Variants in FHIT observed in about 807,000 individuals in gnomAD.
The protein encoded by FHIT is bis(5'-adenosyl)-triphosphatase.
In FHIT, 19 loss-of-function variants were observed where a neutral mutation model predicts 17.9. That is an observed-to-expected ratio of 1.06 (90% CI 0.74 to 1.56). The LOEUF is 1.56. Ranked by LOEUF, FHIT falls within the 40% of genes most tolerant of loss-of-function variation. The pLI is 0.00. For missense variants in FHIT, 248 were observed against 189.2 expected, an observed-to-expected ratio of 1.31 and a Z score of -1.82; for synonymous variants, 81 against 69.7, an observed-to-expected ratio of 1.16 and a Z score of -0.81.
intron 2 of FHIT, among the ~76,000 whole-genome samples, chr3:61,057,115 C>T (rs1226162600): frequency 5.9e-5 from 9 of 152,246 alleles, no homozygotes; most frequent in African/African-American, 1.9e-4. Flanking sequence ...ACAGACATCC[C>T]GTATTGATGT....
At chr3:60,138,726 G>A (rs1699916866) in intron 5 of FHIT, among the ~76,000 whole-genome samples, 1 of 152,078 alleles carries the variant, frequency 6.6e-6, no homozygotes, top group African/African-American at 2.4e-5. Context: ...GTGCTTCAAA[G>A]TCACTGAAAG....
intron 5 of FHIT, among the ~76,000 whole-genome samples, chr3:60,151,412 A>T (rs1212884763): frequency 3.3e-5 from 5 of 152,152 alleles, no homozygotes; most frequent in African/African-American, 1.2e-4. Context: ...GTTACTTCCA[A>T]AGCCTCCTAA....
At chr3:60,182,557 G>C (rs78896150) in intron 5 of FHIT, among the ~76,000 whole-genome samples, 1,747 of 151,884 alleles carry the variant, frequency 0.012, 31 homozygotes, top group African/African-American at 0.041. Context: ...CAGGCAGACA[G>C]CTTGAGCCCC....
intron 7 of FHIT, among the ~76,000 whole-genome samples, chr3:59,934,905 T>A (rs576957686): frequency 6.6e-6 from 1 of 152,260 alleles, no homozygotes; most frequent in East Asian, 1.9e-4. Context: ...CAATTCAAGA[T>A]GAGATTTGGG....
At chr3:60,742,924 A>T (rs2042268617) in intron 4 of FHIT, among the ~76,000 whole-genome samples, 1 of 152,220 alleles carries the variant, frequency 6.6e-6, no homozygotes, top group Non-Finnish European at 1.5e-5. Context: ...TGCAGAAGGA[A>T]AATAATACCT....
chr3:60,713,050 A>G (rs1408658851), intron 4 of FHIT, among the ~76,000 whole-genome samples: 9 of 152,212 alleles, frequency 5.9e-5, no homozygotes, highest in Admixed American at 5.9e-4. Flanking sequence ...CAACAAACGT[A>G]AAAGAAGAGA....
chr3:60,343,619 A>G (rs1163357130), intron 5 of FHIT, among the ~76,000 whole-genome samples: 1 of 152,056 alleles, frequency 6.6e-6, no homozygotes, highest in Non-Finnish European at 1.5e-5. Flanking sequence ...GCCCTTTGAA[A>G]CCTAATTAAT....
intron 4 of FHIT, among the ~76,000 whole-genome samples, chr3:60,612,217 CTG>C (rs1180242755): frequency 1.3e-4 from 20 of 152,146 alleles, no homozygotes; most frequent in African/African-American, 3.9e-4. Flanking sequence ...CATGAGCTAA[CTG>C]TGAAACTCTC....
intron 8 of FHIT, among the ~76,000 whole-genome samples, chr3:59,794,353 A>G (rs1238882917): frequency 6.6e-6 from 1 of 152,202 alleles, no homozygotes; most frequent in Non-Finnish European, 1.5e-5. Flanking sequence ...TCAAATTCAG[A>G]TACTCGCATG....
intron 8 of FHIT, among the ~76,000 whole-genome samples, chr3:59,789,160 G>T (rs1699443922): frequency 6.6e-6 from 1 of 152,132 alleles, no homozygotes; most frequent in Non-Finnish European, 1.5e-5. Flanking sequence ...AGATCCATTA[G>T]GGACTTTGCA....
chr3:60,532,488 C>T (rs1234977501), intron 5 of FHIT, among the ~76,000 whole-genome samples: 1 of 152,182 alleles, frequency 6.6e-6, no homozygotes, highest in Non-Finnish European at 1.5e-5. Context: ...CTGGGCTGCA[C>T]TGAGACACAG....
intron 3 of FHIT, among the ~76,000 whole-genome samples, chr3:61,001,691 G>A (rs868799924): frequency 5.9e-5 from 9 of 152,188 alleles, no homozygotes; most frequent in Non-Finnish European, 7.4e-5. Context: ...GGGGTAGCAT[G>A]AGGGAGTCTC....
At chr3:60,777,854 T>TA (rs552278964) in intron 4 of FHIT, among the ~76,000 whole-genome samples, 21 of 151,594 alleles carry the variant, frequency 1.4e-4, no homozygotes, top group East Asian at 1.2e-3. Flanking sequence ...TGGGCAATAT[T>TA]AAAAAAAAAT....
chr3:60,567,235 CA>C (rs1259841727), intron 4 of FHIT, among the ~76,000 whole-genome samples: 1 of 151,472 alleles, frequency 6.6e-6, no homozygotes, highest in Non-Finnish European at 1.5e-5. Context: ...GTAACCAAAA[CA>C]GCATGGTACT....
At chr3:61,064,308 A>G (rs891831663) in intron 2 of FHIT, among the ~76,000 whole-genome samples, 1 of 152,140 alleles carries the variant, frequency 6.6e-6, no homozygotes, top group African/African-American at 2.4e-5. Flanking sequence ...CTAATCCAGG[A>G]CACTGTGGTG....
chr3:60,925,307 G>C (rs1204055305), intron 3 of FHIT, among the ~76,000 whole-genome samples: 1 of 152,176 alleles, frequency 6.6e-6, no homozygotes, highest in Non-Finnish European at 1.5e-5. Flanking sequence ...GGCAGCCAGA[G>C]AGAAAGGTCG....
chr3:60,113,039 A>T (rs901981704), intron 5 of FHIT, among the ~76,000 whole-genome samples: 1 of 152,172 alleles, frequency 6.6e-6, no homozygotes, highest in African/African-American at 2.4e-5. Flanking sequence ...ACATCTAATC[A>T]TTGAGGGCTT....
At chr3:60,603,255 T>C (rs2038501929) in intron 4 of FHIT, among the ~76,000 whole-genome samples, 1 of 152,220 alleles carries the variant, frequency 6.6e-6, no homozygotes, top group Non-Finnish European at 1.5e-5. Flanking sequence ...ATAGCTTTAA[T>C]GGTGAAAAAA....
chr3:60,003,780 G>A (rs1466692032), intron 7 of FHIT, among the ~76,000 whole-genome samples: 14 of 151,420 alleles, frequency 9.2e-5, no homozygotes, highest in Admixed American at 9.2e-4. Flanking sequence ...CTCATCTACT[G>A]AGGTTGAATT....
Sources: gnomAD v4.1 joint callset for allele counts (sites outside exome capture counted in the v4.1 genomes callset) on GRCh38, gnomAD v4.1.1 for gene constraint, MANE v1.5 for transcripts, NCBI Gene and HGNC (gene_info 2026-07-23, HGNC 2026-07-21) for gene names.